The following RALYL variants were observed in gnomAD, a reference collection of about 807,000 sequenced individuals.
RALYL encodes the protein RNA-binding Raly-like protein.
In RALYL, 29 loss-of-function variants were observed where a neutral mutation model predicts 35.1. That is an observed-to-expected ratio of 0.83 (90% CI 0.61 to 1.13). The LOEUF is 1.13. Ranked by LOEUF, RALYL falls within the 50% of genes most tolerant of loss-of-function variation. The pLI is 0.00. For synonymous variants in RALYL, 120 were observed against 127.6 expected (o/e 0.94, Z 0.40); for missense variants, 359 against 360.4 (o/e 1.00, Z 0.03).
chr8:84,389,282 T>C (rs1164202837), intron 1 of RALYL, among the ~76,000 whole-genome samples: 22 of 152,036 alleles, frequency 1.4e-4, no homozygotes, highest in Non-Finnish European at 2.9e-5. Context: ...AGCATGATGC[T>C]TCCAGCTGTG....
intron 8 of RALYL, among the ~76,000 whole-genome samples, chr8:84,913,821 A>G (rs1259358549): frequency 6.6e-6 from 1 of 151,928 alleles, no homozygotes; most frequent in Non-Finnish European, 1.5e-5. Context: ...TTTCCCAAAT[A>G]TACTGATTTA....
At chr8:84,426,506 C>T (rs557554980) in intron 1 of RALYL, among the ~76,000 whole-genome samples, 1 of 148,808 alleles carries the variant, frequency 6.7e-6, no homozygotes, top group African/African-American at 2.5e-5. Context: ...TGAGATCATG[C>T]AATACTTTCC....
intron 8 of RALYL, among the ~76,000 whole-genome samples, chr8:84,892,199 G>T (rs1843970793): frequency 6.6e-6 from 1 of 152,158 alleles, no homozygotes; most frequent in African/African-American, 2.4e-5. Flanking sequence ...TCTATCATGT[G>T]TGCACCAGGT....
chr8:84,794,440 T>C (rs1362320156), intron 3 of RALYL, among the ~76,000 whole-genome samples: 4 of 152,196 alleles, frequency 2.6e-5, no homozygotes, highest in South Asian at 2.1e-4. Flanking sequence ...ACTAAGACAA[T>C]TGAAAGAGAC....
At chr8:84,309,662 G>T (rs970502966) in intron 1 of RALYL, among the ~76,000 whole-genome samples, 1 of 151,926 alleles carries the variant, frequency 6.6e-6, no homozygotes, top group East Asian at 1.9e-4. Context: ...TATAATTTAT[G>T]GAAACATGGA....
intron 2 of RALYL, among the ~76,000 whole-genome samples, chr8:84,725,347 T>A (rs1472258850): frequency 6.6e-6 from 1 of 151,726 alleles, no homozygotes; most frequent in Non-Finnish European, 1.5e-5. Flanking sequence ...GAAATTTGAT[T>A]TGTGGTAATG....
rs1313802509 is a variant in RALYL, at chr8:84,313,615, A to C, written c.-24+129191A>C. On this transcript the variant is annotated intron_variant, in intron 1 of 8. Transcript: ENST00000521268. ...TCATCACTCTGAAGTTCAAATTTGC[A>C]TAGATCTCTAGGTAAGGTGCAAAAT... 3.9e-5 allele frequency among the ~76,000 whole-genome samples: 6 copies of C among 152,304 alleles called. No homozygotes were observed. The East Asian group carries it at 1.2e-3, about 29-fold the overall frequency.
chr8:84,324,280 T>C (rs183431540), intron 1 of RALYL, among the ~76,000 whole-genome samples: 1 of 152,074 alleles, frequency 6.6e-6, no homozygotes, highest in East Asian at 1.9e-4. Context: ...ATACAGTTAA[T>C]TTCTTTTTTT....
At chr8:84,732,075 C>T (rs985355822) in intron 2 of RALYL, among the ~76,000 whole-genome samples, 15 of 152,246 alleles carry the variant, frequency 9.9e-5, no homozygotes, top group African/African-American at 3.6e-4. Context: ...AGAGAAAATT[C>T]CTCTTCTATA....
At chr8:84,595,763 G>GT (rs35714907) in intron 2 of RALYL, among the ~76,000 whole-genome samples, 7,958 of 120,118 alleles carry the variant, frequency 0.066, 353 homozygotes, top group African/African-American at 0.11. Context: ...AAAACCATAA[G>GT]TTTTTTTTTT....
intron 1 of RALYL, among the ~76,000 whole-genome samples, chr8:84,242,735 G>A (rs1409519903): frequency 6.6e-6 from 1 of 152,064 alleles, no homozygotes; most frequent in East Asian, 1.9e-4. Context: ...CTGGACATTA[G>A]GCTTTTTTCA....
At chr8:84,357,157 T>G (rs1851998260) in intron 1 of RALYL, among the ~76,000 whole-genome samples, 1 of 152,074 alleles carries the variant, frequency 6.6e-6, no homozygotes, top group Non-Finnish European at 1.5e-5. Flanking sequence ...GATAACACAC[T>G]TATGTCCCTT....
chr8:84,272,364 G>A (rs140496212), intron 1 of RALYL, among the ~76,000 whole-genome samples: 2,983 of 152,230 alleles, frequency 0.02, 99 homozygotes, highest in African/African-American at 0.068. Context: ...AAAGTGCTGG[G>A]ATTACAGGCG....
chr8:84,852,102 A>G (rs2134837914), intron 5 of RALYL, among the ~76,000 whole-genome samples: 1 of 152,302 alleles, frequency 6.6e-6, no homozygotes, highest in East Asian at 1.9e-4. Context: ...ATCATAATCT[A>G]GGCATCCAAT....
chr8:84,645,235 C>T (rs944352790), intron 2 of RALYL, among the ~76,000 whole-genome samples: 1 of 151,726 alleles, frequency 6.6e-6, no homozygotes, highest in Non-Finnish European at 1.5e-5. Flanking sequence ...TGTTTTCCCC[C>T]CACTATGTTG....
At chr8:84,703,029 C>G (rs1840482850) in intron 2 of RALYL, among the ~76,000 whole-genome samples, 1 of 152,082 alleles carries the variant, frequency 6.6e-6, no homozygotes. Flanking sequence ...TTCTCTTCAG[C>G]TTCTCTCTCT....
At chr8:84,482,614 A>T (rs2133908296) in intron 1 of RALYL, among the ~76,000 whole-genome samples, 1 of 152,202 alleles carries the variant, frequency 6.6e-6, no homozygotes, top group Non-Finnish European at 1.5e-5. Context: ...TGAAAACAGA[A>T]CACAGATATC....
chr8:84,543,871 A>G (rs956316262), intron 2 of RALYL, among the ~76,000 whole-genome samples: 2 of 152,134 alleles, frequency 1.3e-5, no homozygotes, highest in Non-Finnish European at 2.9e-5. Flanking sequence ...GGGTGCTAAG[A>G]AAGCTCATTA....
chr8:84,649,535 G>A (rs951064315), intron 2 of RALYL, among the ~76,000 whole-genome samples: 1 of 151,874 alleles, frequency 6.6e-6, no homozygotes, highest in African/African-American at 2.4e-5. Context: ...TATTAAATAG[G>A]GAATCCTTTC....
Sources: allele counts gnomAD v4.1 joint callset (sites outside exome capture counted in the v4.1 genomes callset), GRCh38; gene constraint gnomAD v4.1.1; transcripts MANE v1.5; gene names NCBI Gene and HGNC (gene_info 2026-07-23, HGNC 2026-07-21).